PKN2: variants seen among roughly 807,000 people sequenced by gnomAD.
The protein encoded by PKN2 is serine/threonine-protein kinase N2.
A neutral mutation model predicts 119.1 loss-of-function variants in PKN2; 38 were observed. That is an observed-to-expected ratio of 0.32 (90% CI 0.25 to 0.42). PKN2 has a LOEUF of 0.42. Among genes scored for constraint, PKN2 ranks in the 10% least tolerant of loss-of-function variants. The pLI, the probability that PKN2 is intolerant of heterozygous loss-of-function variation, is 1.00. For synonymous variants in PKN2, 390 were observed against 384.9 expected (o/e 1.01, Z -0.15); for missense variants, 850 against 1,165.1 (o/e 0.73, Z 3.94).
intron 2 of PKN2, among the ~76,000 whole-genome samples, chr1:88,752,173 A>G (rs1669028842): frequency 6.6e-6 from 1 of 151,968 alleles, no homozygotes; most frequent in Non-Finnish European, 1.5e-5. Context: ...ATGCATATTA[A>G]TTTCTTCAAA....
At chr1:88,770,625 G>A (rs1319395682) in intron 4 of PKN2, among the ~76,000 whole-genome samples, 156 bp downstream of exon 4, 9 of 143,404 alleles carry the variant, frequency 6.3e-5, no homozygotes, top group African/African-American at 1.6e-4. Flanking sequence ...TCGCTCTGTC[G>A]CCCAGGCTGG....
chr1:88,832,543 A>G (rs1672771554), intron 19 of PKN2, among the ~76,000 whole-genome samples: 2 of 151,962 alleles, frequency 1.3e-5, no homozygotes, highest in Non-Finnish European at 2.9e-5. Flanking sequence ...TCCCTCTGTA[A>G]TAGATACATA....
intron 2 of PKN2, among the ~76,000 whole-genome samples, chr1:88,757,823 A>G (rs1352893913): frequency 1.3e-5 from 2 of 151,998 alleles, no homozygotes; most frequent in South Asian, 2.1e-4. Flanking sequence ...TAGGTGGATC[A>G]TGAGGTCAGA....
At chr1:88,719,358 A>G (rs1011068632) in intron 1 of PKN2, among the ~76,000 whole-genome samples, 4 of 152,192 alleles carry the variant, frequency 2.6e-5, no homozygotes, top group African/African-American at 9.6e-5. Flanking sequence ...GCTCGGAGTA[A>G]CTAACAACTT....
intron 1 of PKN2, among the ~76,000 whole-genome samples, chr1:88,737,389 T>TA: frequency 6.6e-6 from 1 of 151,920 alleles, no homozygotes; most frequent in South Asian, 2.1e-4. Context: ...TGTGGAGTCT[T>TA]ACCATGGCAG....
At chr1:88,791,307 G>T (rs1027296812) in intron 8 of PKN2, among the ~76,000 whole-genome samples, 8 of 151,882 alleles carry the variant, frequency 5.3e-5, no homozygotes, top group African/African-American at 1.9e-4. Context: ...ATGGTGGTGG[G>T]TACTTGTAAT....
chr1:88,734,426 A>T (rs967125489), intron 1 of PKN2, among the ~76,000 whole-genome samples: 2 of 152,092 alleles, frequency 1.3e-5, no homozygotes, highest in African/African-American at 4.8e-5. Context: ...TCTCATGTGG[A>T]TATCCAGTTT....
In PKN2 at chr1:88,771,870, G is replaced by A. The variant is rs1669908218; in HGVS notation, c.976G>A (p.Ala326Thr). The A allele has an allele frequency of 6.2e-7, 1 of 1,608,168 alleles. No homozygotes were observed. Among genetic ancestry groups the A allele is most frequent in the Non-Finnish European group, 8.5e-7 (1 of 1,174,834 alleles). ...NQYSTLSKPA[A>T]LTGTLEVRLM... The stretch of plus-strand genomic sequence containing the variant: ...ATATAGTACACTATCCAAACCAGCA[G>A]CACTAACAGGTATGTAGTGTATAGC... Residue 326 changes from alanine to threonine, a missense_variant, in exon 6 of 22, where the codon GCA becomes ACA. Ala to Thr is a moderately conservative substitution (Grantham distance 58). Around this residue, in one of 9 missense-constraint regions of PKN2, gnomAD observed 350 missense variants for 511.1 expected, o/e 0.68. Transcript: ENST00000370521.
At chr1:88,732,355 C>A (rs1668173685) in intron 1 of PKN2, among the ~76,000 whole-genome samples, 1 of 152,112 alleles carries the variant, frequency 6.6e-6, no homozygotes, top group Non-Finnish European at 1.5e-5. Flanking sequence ...ATTTATCTTT[C>A]CCTCTATTTT....
intron 16 of PKN2, among the ~76,000 whole-genome samples, chr1:88,817,444 A>T (rs1356218319): frequency 8.7e-5 from 13 of 150,186 alleles, no homozygotes; most frequent in Admixed American, 5.3e-4. Context: ...GAGGTGGCTC[A>T]TGCCTGTAAT....
At chr1:88,743,715 T>G (rs1265512524) in intron 2 of PKN2, among the ~76,000 whole-genome samples, 1 of 152,172 alleles carries the variant, frequency 6.6e-6, no homozygotes, top group Non-Finnish European at 1.5e-5. Flanking sequence ...CTTGGGAATA[T>G]TATATCTCAA....
At chr1:88,731,952 A>G (rs1668157129) in intron 1 of PKN2, among the ~76,000 whole-genome samples, 1 of 152,230 alleles carries the variant, frequency 6.6e-6, no homozygotes, top group Non-Finnish European at 1.5e-5. Context: ...GAGTCTAAAA[A>G]TAAGAATTTC....
rs533550429 is a variant in PKN2 at position 88,731,039 on chromosome 1, G to T, written c.49-9949G>T. On this transcript the variant is annotated intron_variant, in intron 1 of 21. Coordinates refer to ENST00000370521, the MANE Select transcript of PKN2 (RefSeq NM_006256.4). ...TTGCTGCTCTTTCAAATTATATTTG[G>T]TTTTCATGTCTGTCTTCTTTAATAA... is the stretch of plus-strand genomic sequence containing the variant. Among the ~76,000 whole-genome samples, 9 of 152,278 alleles carry T rather than the reference G, an allele frequency of 5.9e-5. No homozygotes were observed. In the East Asian group the frequency reaches 1.7e-3, roughly 29 times the overall value.
Position 88,807,530 on chromosome 1 carries a change from T to C in PKN2, c.1936T>C (p.Ser646Pro), listed in dbSNP as rs373058309. The change falls in exon 14 of 22, where the codon TCT (serine) becomes CCT (proline). Residue 646 changes from serine to proline, a missense_variant and splice_region_variant. By Grantham distance (74) the Ser-to-Pro change is moderately conservative (BLOSUM62 -1). Transcript: ENST00000370521. ...ATTAATTGAAATTTCTCTTTTCAGA[T>C]CTCAGCAAAGGTTTCAGTTTAATCT... is the stretch of plus-strand genomic sequence containing the variant. ...SGIQELEDRR[S>P]QQRFQFNLQD... The C allele has an allele frequency of 3.7e-6, 6 of 1,610,932 alleles. No homozygotes were observed. The African/African-American group carries it at 6.7e-5, about 18-fold the overall frequency.
intron 2 of PKN2, among the ~76,000 whole-genome samples, chr1:88,747,057 A>T (rs936696111): frequency 1.3e-5 from 2 of 152,178 alleles, no homozygotes; most frequent in Non-Finnish European, 2.9e-5. Flanking sequence ...AGACAAATTC[A>T]TTGACGTAGA....
intron 1 of PKN2, among the ~76,000 whole-genome samples, chr1:88,729,424 A>G (rs1365730735): frequency 1.3e-5 from 2 of 152,150 alleles, no homozygotes; most frequent in Non-Finnish European, 2.9e-5. Flanking sequence ...GGGCTCACTT[A>G]TGCAGCTGTA....
chr1:88,748,993 C>T (rs934163415), intron 2 of PKN2, among the ~76,000 whole-genome samples: 8 of 152,152 alleles, frequency 5.3e-5, no homozygotes, highest in African/African-American at 1.9e-4. Flanking sequence ...TTCCCACTAT[C>T]AGTGAATGAG....
At chr1:88,719,102 C>T (rs370047730) in intron 1 of PKN2, among the ~76,000 whole-genome samples, 6 of 152,174 alleles carry the variant, frequency 3.9e-5, no homozygotes, top group South Asian at 4.1e-4. Context: ...TTAGCATATA[C>T]GAAGACCAGT....
At chr1:88,813,465 T>A (rs1192368229) in intron 15 of PKN2, 92 bp from the exon 16 acceptor site, 9 of 824,090 alleles carry the variant, frequency 1.1e-5, no homozygotes, top group Middle Eastern at 3.7e-4. Flanking sequence ...GTTAAAATTT[T>A]GCTTATTTTT....
Sources: gnomAD v4.1 joint callset for allele counts (sites outside exome capture counted in the v4.1 genomes callset) on GRCh38, gnomAD v4.1.1 for gene constraint, gnomAD v4.1.1 regional missense constraint, MANE v1.5 for transcripts, NCBI Gene and HGNC (gene_info 2026-07-23, HGNC 2026-07-21) for gene names.